Variants in CAPN8 observed in about 807,000 individuals in gnomAD.
The protein encoded by CAPN8 is calpain 8.
A neutral mutation model predicts 80.9 loss-of-function variants in CAPN8; 87 were observed. The ratio of observed to expected loss-of-function variants is 1.07; its 90% CI spans 0.90 to 1.28. The LOEUF (loss-of-function observed/expected upper bound fraction) is 1.28. Among genes scored for constraint, CAPN8 ranks in the 50% most tolerant of loss-of-function variants. The probability of loss-of-function intolerance (pLI) is 0.00; values close to 1 mark genes in which losing one functional copy is unlikely to be tolerated. For synonymous variants in CAPN8, 299 were observed against 273.8 expected (o/e 1.09, Z -0.91); for missense variants, 757 against 702.0 (o/e 1.08, Z -0.89).
At chr1:223,554,904 A>G (rs1352037049) in intron 13 of CAPN8, among the ~76,000 whole-genome samples, 1 of 152,246 alleles carries the variant, frequency 6.6e-6, no homozygotes, top group African/African-American at 2.4e-5. Context: ...TGATGTGACA[A>G]TGGGCTCTGC....
At chr1:223,553,395 C>T (rs1656841963) in intron 14 of CAPN8, among the ~76,000 whole-genome samples, 1 of 152,312 alleles carries the variant, frequency 6.6e-6, no homozygotes, top group South Asian at 2.1e-4. Context: ...TGACAGGGAA[C>T]AGGGCTAGTC....
At chr1:223,654,486 G>A in intron 1 of CAPN8, 87 bp from the exon 2 acceptor site, 3 of 1,226,720 alleles carry the variant, frequency 2.4e-6, no homozygotes, top group Admixed American at 2.0e-5. Flanking sequence ...GTCCCAGGTT[G>A]CAGAGCTGGA....
intron 2 of CAPN8, among the ~76,000 whole-genome samples, chr1:223,631,717 T>C (rs745422727): frequency 9.2e-5 from 14 of 152,312 alleles, no homozygotes; most frequent in Admixed American, 7.2e-4. Context: ...TGTGGGGAAG[T>C]GGCATTCAAC....
Position 223,544,766 on chromosome 1 carries a change from C to T in CAPN8, c.1912+6G>A. The T allele has an allele frequency of 6.4e-7, 1 of 1,551,666 alleles. No homozygotes were observed. Among genetic ancestry groups the T allele is most frequent in the Non-Finnish European group, 8.7e-7 (1 of 1,147,000 alleles). On this transcript the variant is annotated splice_donor_region_variant and intron_variant, in intron 18 of 20. Transcript: ENST00000366872. The stretch of plus-strand genomic sequence containing the variant: ...CCAAGACCCTGTCTACAGGATGTGT[C>T]CTCACCTGCCTTCCTGAGGGCTGTC...
chr1:223,549,407 A>G, intron 15 of CAPN8, 25 bp from the exon 16 acceptor site: 1 of 1,551,588 alleles, frequency 6.4e-7, no homozygotes, highest in Non-Finnish European at 8.7e-7. Flanking sequence ...AGAAAAGGGG[A>G]GTGGGAATCG....
chr1:223,651,826 A>C (rs1658349941), intron 2 of CAPN8, among the ~76,000 whole-genome samples: 1 of 152,256 alleles, frequency 6.6e-6, no homozygotes, highest in African/African-American at 2.4e-5. Context: ...AAATGACACC[A>C]AATAATGGCA....
chr1:223,546,118 C>T (rs149493582), intron 16 of CAPN8, among the ~76,000 whole-genome samples: 2 of 150,154 alleles, frequency 1.3e-5, no homozygotes, highest in Admixed American at 1.3e-4. Context: ...TTTTTTTTAA[C>T]GCTGTGCTAG....
chr1:223,557,896 G>T (rs908322663), intron 13 of CAPN8, among the ~76,000 whole-genome samples: 4 of 152,200 alleles, frequency 2.6e-5, no homozygotes, highest in Admixed American at 6.5e-5. Context: ...TATCAAACAT[G>T]GAAGACGATG....
intron 2 of CAPN8, among the ~76,000 whole-genome samples, chr1:223,652,516 G>GTA (rs1199800802): frequency 1.3e-5 from 2 of 151,914 alleles, no homozygotes; most frequent in African/African-American, 4.8e-5. Flanking sequence ...ACTACACACG[G>GTA]TATGTCGAGT....
At chr1:223,548,955 C>T (rs71572864) in intron 16 of CAPN8, among the ~76,000 whole-genome samples, 19,216 of 149,282 alleles carry the variant, frequency 0.13, 1,361 homozygotes, top group South Asian at 0.19. Context: ...GGGGTGGGGA[C>T]GGGTAGAATT....
intron 2 of CAPN8, chr1:223,642,928 TA>T: frequency 2.5e-6 from 1 of 397,304 alleles, no homozygotes; most frequent in Non-Finnish European, 5.0e-6. Context: ...TAATGCTACT[TA>T]GAGGGAAACA....
rs73127612 is a variant in CAPN8 at position 223,650,382 on chromosome 1, G to A, written c.307+3948C>T. On this transcript the variant is annotated intron_variant, in intron 2 of 20. Transcript: ENST00000366872. ...AGTCACAAGAGGCTCCCAGCAGCTA[G>A]AGTGGGGCCCTGACCCAGGCTGGGC... is the stretch of plus-strand genomic sequence containing the variant. Among the ~76,000 whole-genome samples, 724 of 152,312 alleles carry A rather than the reference G, an allele frequency of 4.8e-3. 8 individuals are homozygous for A. The highest frequency in any genetic ancestry group is 0.016 in the African/African-American group (654 of 41,564).
At chr1:223,551,245 C>T (rs1472691700) in intron 14 of CAPN8, among the ~76,000 whole-genome samples, 1 of 152,182 alleles carries the variant, frequency 6.6e-6, no homozygotes, top group African/African-American at 2.4e-5. Context: ...CAGGCTCAAG[C>T]AATTCTCCTG....
Position 223,541,762 on chromosome 1 carries a change from A to G in CAPN8, c.*74T>C. The G allele has an allele frequency of 6.4e-7, 1 of 1,550,814 alleles. No individual in the cohort carries two copies. The highest frequency in any genetic ancestry group is 8.7e-7 in the Non-Finnish European group (1 of 1,146,494). ...GAATGCCACTGGAGCATAAATGTTCACAAAATTGTAGAGAAGGGGTGACAA... is the reference window on the plus strand; with the variant it reads ...GAATGCCACTGGAGCATAAATGTTCGCAAAATTGTAGAGAAGGGGTGACAA... On this transcript the variant is annotated 3_prime_UTR_variant, in exon 21 of 21. Transcript: ENST00000366872.
At chr1:223,654,841 A>ACT in intron 1 of CAPN8, among the ~76,000 whole-genome samples, 1 of 95,408 alleles carries the variant, frequency 1.0e-5, no homozygotes, top group East Asian at 3.3e-4. Flanking sequence ...ACACCCGGCT[A>ACT]ATTTTTTTTT....
intron 1 of CAPN8, among the ~76,000 whole-genome samples, chr1:223,661,230 T>C (rs1658636906): frequency 6.7e-6 from 1 of 150,262 alleles, no homozygotes; most frequent in East Asian, 2.0e-4. Flanking sequence ...CTACAAATGG[T>C]CAATAAGCAC....
intron 1 of CAPN8, among the ~76,000 whole-genome samples, chr1:223,663,000 G>T (rs61822586): frequency 0.12 from 17,801 of 152,224 alleles, 1,242 homozygotes; most frequent in South Asian, 0.16. Context: ...TTTCACTGAT[G>T]ATTAGGGAAG....
intron 2 of CAPN8, among the ~76,000 whole-genome samples, chr1:223,629,197 A>AGTGT (rs113967295): frequency 0.29 from 27,762 of 95,156 alleles, 2,790 homozygotes; most frequent in Non-Finnish European, 0.37. Flanking sequence ...TACGTGTAAG[A>AGTGT]GTGTGTGTGT....
chr1:223,630,057 T>C (rs751392391), intron 2 of CAPN8, among the ~76,000 whole-genome samples: 2 of 152,176 alleles, frequency 1.3e-5, no homozygotes, highest in African/African-American at 2.4e-5. Flanking sequence ...CACATTATGG[T>C]TTTCTCAGAA....
Sources: gnomAD v4.1 joint callset for allele counts (sites outside exome capture counted in the v4.1 genomes callset) on GRCh38, gnomAD v4.1.1 for gene constraint, MANE v1.5 for transcripts, NCBI Gene and HGNC (gene_info 2026-07-23, HGNC 2026-07-21) for gene names.